The following CDH4 variants were observed in gnomAD, a reference collection of about 807,000 sequenced individuals.
The protein encoded by CDH4 is cadherin 4.
A neutral mutation model predicts 86.0 loss-of-function variants in CDH4; 33 were observed. The ratio of observed to expected loss-of-function variants is 0.38; its 90% CI spans 0.29 to 0.51. The LOEUF is 0.51. CDH4 is among the 20% of genes least tolerant of loss of function. The pLI, the probability that CDH4 is intolerant of heterozygous loss-of-function variation, is 0.86. For synonymous variants in CDH4, 555 were observed against 549.4 expected, an observed-to-expected ratio of 1.01 and a Z score of -0.14; for missense variants, 1,114 against 1,307.4, an observed-to-expected ratio of 0.85 and a Z score of 2.28.
intron 7 of CDH4, among the ~76,000 whole-genome samples, chr20:61,880,619 C>T (rs1278164591): frequency 6.6e-6 from 1 of 152,208 alleles, no homozygotes; most frequent in African/African-American, 2.4e-5. Flanking sequence ...GTGTGGGGCA[C>T]TGAGCAGCCC....
Position 61,923,670 on chromosome 20 carries a change from G to A in CDH4, c.1594G>A (p.Val532Met), listed in dbSNP as rs749691001. The change falls in exon 10 of 16, where the codon GTG becomes ATG. Residue 532 changes from valine to methionine, a missense_variant. Val to Met is a conservative substitution (Grantham distance 21, BLOSUM62 1). Coordinates refer to ENST00000614565, the MANE Select transcript of CDH4 (RefSeq NM_001794.5). The stretch of plus-strand genomic sequence containing the variant: ...CACCGTGCTGACCACGTTTTCAGCT[G>A]TGGACCCTGACCGGTTCATGCAGCA... ...PGTVLTTFSAVDPDRFMQQAV... is the reference protein window; with the variant it reads ...PGTVLTTFSAMDPDRFMQQAV... 9.3e-6 allele frequency: 15 copies of A among 1,613,970 alleles called. No homozygotes were observed. In the South Asian group the frequency reaches 1.6e-4, roughly 18 times the overall value.
At chr20:61,534,569 G>A (rs548174435) in intron 2 of CDH4, among the ~76,000 whole-genome samples, 1 of 152,270 alleles carries the variant, frequency 6.6e-6, no homozygotes, top group South Asian at 2.1e-4. Context: ...CGGGCCGGAG[G>A]CTGAGGCCTT....
At chr20:61,418,098 T>G (rs938379067) in intron 2 of CDH4, among the ~76,000 whole-genome samples, 1 of 152,054 alleles carries the variant, frequency 6.6e-6, no homozygotes, top group Non-Finnish European at 1.5e-5. Context: ...ATCAAGAAAG[T>G]AAAGGTGTCC....
intron 2 of CDH4, among the ~76,000 whole-genome samples, chr20:61,549,532 C>T (rs2086112059): frequency 6.6e-6 from 1 of 152,250 alleles, no homozygotes; most frequent in African/African-American, 2.4e-5. Context: ...CCATGGTTTG[C>T]TTGCTTTGTG....
chr20:61,588,322 CATCAGTCA>C (rs1274043371), intron 2 of CDH4, among the ~76,000 whole-genome samples: 2 of 152,170 alleles, frequency 1.3e-5, no homozygotes, highest in Non-Finnish European at 2.9e-5. Context: ...TCGCAGCCTC[CATCAGTCA>C]AGTGATTTGC....
intron 4 of CDH4, among the ~76,000 whole-genome samples, chr20:61,814,460 C>T (rs1448619851): frequency 6.6e-6 from 1 of 152,212 alleles, no homozygotes; most frequent in Non-Finnish European, 1.5e-5. Context: ...ACGACGATCC[C>T]TGCAGACCCA....
intron 2 of CDH4, among the ~76,000 whole-genome samples, chr20:61,569,125 T>G (rs377559261): frequency 6.6e-5 from 10 of 152,174 alleles, no homozygotes; most frequent in African/African-American, 2.4e-4. Context: ...TGTCCTGCTG[T>G]GGGTGAGCAA....
At chr20:61,897,912 G>A (rs1194072240) in intron 8 of CDH4, among the ~76,000 whole-genome samples, 1 of 152,240 alleles carries the variant, frequency 6.6e-6, no homozygotes, top group East Asian at 1.9e-4. Flanking sequence ...CACAGTCCGG[G>A]AGAGGATCTG....
chr20:61,713,970 T>C (rs557503832), intron 2 of CDH4, among the ~76,000 whole-genome samples: 10 of 152,226 alleles, frequency 6.6e-5, no homozygotes, highest in African/African-American at 2.4e-4. Context: ...TCAGCCTCTA[T>C]CTGAATGGGA....
At chr20:61,755,850 C>T (rs987770929) in intron 3 of CDH4, among the ~76,000 whole-genome samples, 1 of 152,180 alleles carries the variant, frequency 6.6e-6, no homozygotes, top group African/African-American at 2.4e-5. Flanking sequence ...CTACATGAAA[C>T]ACATGCGCAG....
intron 2 of CDH4, among the ~76,000 whole-genome samples, chr20:61,296,595 G>A (rs527678992): frequency 3.9e-4 from 60 of 152,026 alleles, no homozygotes; most frequent in African/African-American, 1.4e-3. Flanking sequence ...AGCATTTACC[G>A]CCTCGTAAAT....
At chr20:61,557,776 A>ATTTTTTTTTATTTATTT (rs1266369916) in intron 2 of CDH4, among the ~76,000 whole-genome samples, 1 of 151,740 alleles carries the variant, frequency 6.6e-6, no homozygotes, top group Non-Finnish European at 1.5e-5. Context: ...CCTGCATTTT[A>ATTTTTTTTTATTTATTT]ATCACTCAAA....
intron 8 of CDH4, among the ~76,000 whole-genome samples, chr20:61,906,164 A>C (rs534354404): frequency 7.9e-5 from 12 of 152,340 alleles, no homozygotes; most frequent in Non-Finnish European, 1.2e-4. Flanking sequence ...CGGGGGCCTC[A>C]GGGGTGGAGA....
chr20:61,457,088 C>A (rs185714802), intron 2 of CDH4, among the ~76,000 whole-genome samples: 1 of 152,264 alleles, frequency 6.6e-6, no homozygotes, highest in Admixed American at 6.5e-5. Context: ...CAGCATCCAC[C>A]TGAAACAGAG....
chr20:61,778,667 C>T (rs748417900), intron 4 of CDH4, among the ~76,000 whole-genome samples: 10 of 152,036 alleles, frequency 6.6e-5, no homozygotes, highest in African/African-American at 1.4e-4. Flanking sequence ...ACCCACACCG[C>T]GGAGGGAACA....
At chr20:61,530,952 T>TA (rs1246752975) in intron 2 of CDH4, among the ~76,000 whole-genome samples, 1 of 152,174 alleles carries the variant, frequency 6.6e-6, no homozygotes, top group Non-Finnish European at 1.5e-5. Context: ...TCAGGACAAC[T>TA]AATATCTATG....
intron 2 of CDH4, among the ~76,000 whole-genome samples, chr20:61,442,490 C>T (rs1467206919): frequency 6.6e-6 from 1 of 152,198 alleles, no homozygotes; most frequent in East Asian, 1.9e-4. Context: ...GCAGAACTAA[C>T]CACCCTTTTA....
At chr20:61,317,882 A>G (rs981839937) in intron 2 of CDH4, among the ~76,000 whole-genome samples, 2 of 152,208 alleles carry the variant, frequency 1.3e-5, no homozygotes, top group Non-Finnish European at 2.9e-5. Flanking sequence ...AGTGGGGTAA[A>G]AGTAGAGTTA....
At chr20:61,932,562 C>T (rs2055123993) in intron 13 of CDH4, among the ~76,000 whole-genome samples, 1 of 134,816 alleles carries the variant, frequency 7.4e-6, no homozygotes, top group Non-Finnish European at 1.6e-5. Context: ...CATCTACACA[C>T]ATGAACACAC....
Sources: allele counts gnomAD v4.1 joint callset (sites outside exome capture counted in the v4.1 genomes callset), GRCh38; gene constraint gnomAD v4.1.1; transcripts MANE v1.5; gene names NCBI Gene and HGNC (gene_info 2026-07-23, HGNC 2026-07-21).